Variants in FAM131B observed in about 807,000 individuals in gnomAD.
FAM131B encodes protein FAM131B.
A neutral mutation model predicts 42.0 loss-of-function variants in FAM131B; 19 were observed. The ratio of observed to expected loss-of-function variants is 0.45; its 90% CI spans 0.32 to 0.66. The LOEUF is 0.66. FAM131B is among the 30% of genes least tolerant of loss of function. The pLI, the probability that FAM131B is intolerant of heterozygous loss-of-function variation, is 0.05. For missense variants in FAM131B, 370 were observed against 468.4 expected (o/e 0.79, Z 1.94); for synonymous variants, 183 against 177.6 (o/e 1.03, Z -0.24).
chr7:143,357,612 A>G (rs1271914918), intron 5 of FAM131B, among the ~76,000 whole-genome samples, 189 bp from the exon 6 acceptor site: 1 of 152,220 alleles, frequency 6.6e-6, no homozygotes, highest in Non-Finnish European at 1.5e-5. Flanking sequence ...GAAATAATAG[A>G]TCTTATTTAA....
At chr7:143,366,777 C>T (rs1678946634), upstream of FAM131B, among the ~76,000 whole-genome samples, 1 of 152,074 alleles carries the variant, frequency 6.6e-6, no homozygotes, top group Non-Finnish European at 1.5e-5. Context: ...AGGCTGGTGT[C>T]GAACTCCTGA....
the FAM131B span, among the ~76,000 whole-genome samples, chr7:143,378,112 G>A: frequency 1.3e-5 from 2 of 152,224 alleles, no homozygotes; most frequent in East Asian, 3.8e-4. Flanking sequence ...GATGTTATTA[G>A]GGTGCTGCTA....
rs1803757863 is a variant in FAM131B, at chr7:143,358,036, A to ATCGTGGG, written c.467-620_467-614dup. Among the ~76,000 whole-genome samples the ATCGTGGG allele has an allele frequency of 6.6e-6, 1 of 152,206 alleles. No homozygotes were observed. Among genetic ancestry groups the ATCGTGGG allele is most frequent in the African/African-American group, 2.4e-5 (1 of 41,438 alleles). The stretch of plus-strand genomic sequence containing the variant: ...ATCAACAGAGAACCCCCAAGAGAGC[A>ATCGTGGG]TCGTGGGCTTGTGGGTCCACCATAA... On this transcript the variant is annotated intron_variant, in intron 5 of 6. Transcript: ENST00000443739. The surrounding 1 kb of genome is among the most constrained non-coding windows in gnomAD (Gnocchi z 4.7).
Position 143,359,240 on chromosome 7 carries a change from A to G in FAM131B, c.268+86T>C. 1 of 1,181,744 alleles carries G rather than the reference A, an allele frequency of 8.5e-7. No individual in the cohort carries two copies. The highest frequency in any genetic ancestry group is 2.0e-4 in the Middle Eastern group (1 of 5,106). 73.2% of individuals were successfully genotyped at this position (1,181,744 alleles called of 1,614,324 possible). ...TCAGGGGGTGGGGATGAGGGTCTTC[A>G]TCAACCTCGAAGGAGCAGGGAGACT... On this transcript the variant is annotated intron_variant, in intron 4 of 6. Transcript: ENST00000443739. This position sits in a 1 kb window ranked among gnomAD's most constrained non-coding sequence, Gnocchi z 5.4.
rs1413965200 is a variant in FAM131B, at chr7:143,361,977, C to A, written c.28+599G>T. On this transcript the variant is annotated intron_variant, in intron 1 of 6. Coordinates refer to ENST00000443739, the MANE Select transcript of FAM131B (RefSeq NM_001031690.3). ...GGCCCTGTCCCTCCGGGCGTGGAAC[C>A]CGGGCTCATCCCGCCCCCGCCCCAG... The A allele has an allele frequency of 7.8e-6, 7 of 896,148 alleles. No homozygotes were observed. The East Asian group carries it at 7.1e-4, about 91-fold the overall frequency. 55.5% of individuals were successfully genotyped at this position (896,148 alleles called of 1,614,324 possible).
At chr7:143,381,578 G>T in the FAM131B span, 3 of 1,609,666 alleles carry the variant, frequency 1.9e-6, no homozygotes, top group Non-Finnish European at 2.5e-6. Context: ...GGCCATGGCG[G>T]CCCCCCGCCC....
intron 1 of FAM131B, chr7:143,361,815 C>G (rs1804003886): frequency 6.6e-6 from 1 of 152,240 alleles, no homozygotes; most frequent in South Asian, 2.1e-4. Context: ...CCCCCGCTGA[C>G]AGGTGCAGGC....
Position 143,356,256 on chromosome 7 carries a change from G to T in FAM131B, c.*294C>A. ...CCCCCGTCCTCAGGGTGCACACACT[G>T]GAGGCTTTGTCGGCACAGACCCAGA... On this transcript the variant is annotated 3_prime_UTR_variant, in exon 7 of 7. Transcript: ENST00000443739. The surrounding 1 kb of genome is among the most constrained non-coding windows in gnomAD (Gnocchi z 4.4). The T allele has an allele frequency of 2.3e-6, 1 of 433,982 alleles. No individual in the cohort carries two copies. 26.9% of individuals were successfully genotyped at this position (433,982 alleles called of 1,614,324 possible).
chr7:143,371,964 GT>G, the FAM131B span, among the ~76,000 whole-genome samples: 1 of 151,994 alleles, frequency 6.6e-6, no homozygotes, highest in Non-Finnish European at 1.5e-5. Context: ...CCTAGGAAAG[GT>G]TTTTTTTCAA....
At chr7:143,381,361 C>T in the FAM131B span, 23 of 1,157,978 alleles carry the variant, frequency 2.0e-5, no homozygotes, top group Non-Finnish European at 2.5e-5. Context: ...TCTGCGGACC[C>T]GGCGCCGAGG....
chr7:143,357,703 A>G (rs1426757302), intron 5 of FAM131B, among the ~76,000 whole-genome samples: 2 of 152,230 alleles, frequency 1.3e-5, no homozygotes, highest in Non-Finnish European at 2.9e-5. Flanking sequence ...TCTTTTATTT[A>G]TATGAAGCCT....
At chr7:143,376,107 A>G in the FAM131B span, among the ~76,000 whole-genome samples, 6 of 152,086 alleles carry the variant, frequency 3.9e-5, no homozygotes, top group Non-Finnish European at 7.4e-5. Flanking sequence ...TGCTCCCTGG[A>G]TGCCTTATGT....
the FAM131B span, chr7:143,381,339 C>T: frequency 3.5e-6 from 4 of 1,142,896 alleles, no homozygotes; most frequent in Non-Finnish European, 4.3e-6. Context: ...TGCTCCGGAC[C>T]GGGACGCAGA....
At chr7:143,375,371 C>T in the FAM131B span, among the ~76,000 whole-genome samples, 3 of 152,294 alleles carry the variant, frequency 2.0e-5, 1 homozygote, top group Admixed American at 6.5e-5. Context: ...GGTACAAAGG[C>T]CTGTCTACTG....
At chr7:143,364,454 G>A (rs1343233954), upstream of FAM131B, among the ~76,000 whole-genome samples, 1 of 152,050 alleles carries the variant, frequency 6.6e-6, no homozygotes, top group Non-Finnish European at 1.5e-5. Flanking sequence ...TCTCCTTATG[G>A]CTCTCCCTGA....
the FAM131B span, chr7:143,382,232 C>T: frequency 7.5e-6 from 12 of 1,610,000 alleles, no homozygotes; most frequent in Admixed American, 1.7e-5. Flanking sequence ...CGACGTCTTT[C>T]TCCTTCCTAC....
At chr7:143,366,645 C>T (rs1360327473), upstream of FAM131B, among the ~76,000 whole-genome samples, 8 of 149,040 alleles carry the variant, frequency 5.4e-5, no homozygotes, top group Admixed American at 4.0e-4. Context: ...ACAACCTCCA[C>T]CTCCCAAGTT....
At chr7:143,382,034 C>T in the FAM131B span, 8 of 603,452 alleles carry the variant, frequency 1.3e-5, no homozygotes, top group Non-Finnish European at 2.3e-5. Flanking sequence ...GTCCGTTTTC[C>T]GAAGTGTAAC....
In FAM131B at chr7:143,353,738, C is replaced by G. The variant is rs1398711522; in HGVS notation, c.*2812G>C. On this transcript the variant is annotated 3_prime_UTR_variant, in exon 7 of 7. Transcript: ENST00000443739. Reference sequence around the variant, plus strand: ...GAGGTCGTGGAGAAGATAATAAACTCATTCCCCAAGATACCCTCTTCAACA... The same window carrying G: ...GAGGTCGTGGAGAAGATAATAAACTGATTCCCCAAGATACCCTCTTCAACA... 6.6e-6 allele frequency: 1 copy of G among 152,402 alleles called. No individual in the cohort carries two copies. The highest frequency in any genetic ancestry group is 1.5e-5 in the Non-Finnish European group (1 of 68,016). 9.4% of individuals were successfully genotyped at this position (152,402 alleles called of 1,614,324 possible).
Sources: allele counts gnomAD v4.1 joint callset (sites outside exome capture counted in the v4.1 genomes callset), GRCh38; gene constraint gnomAD v4.1.1; non-coding constraint Gnocchi (gnomAD v3.1); transcripts MANE v1.5; gene names NCBI Gene and HGNC (gene_info 2026-07-23, HGNC 2026-07-21).